Variants in HNRNPR observed in about 807,000 individuals in gnomAD.
The protein encoded by HNRNPR is heterogeneous nuclear ribonucleoprotein R.
A neutral mutation model predicts 70.3 loss-of-function variants in HNRNPR; 4 were observed. The observed-to-expected ratio is 0.06, with a 90% CI of 0.03 to 0.13. HNRNPR has a LOEUF of 0.13. HNRNPR is among the 10% of genes least tolerant of loss of function. The pLI is 1.00. For synonymous variants in HNRNPR, 241 were observed against 267.6 expected, an observed-to-expected ratio of 0.90 and a Z score of 0.97; for missense variants, 423 against 788.5, an observed-to-expected ratio of 0.54 and a Z score of 5.55.
At chr1:23,338,650 G>T (rs780621506) in intron 2 of HNRNPR, 42 bp from the exon 3 acceptor site, 1 of 945,806 alleles carries the variant, frequency 1.1e-6, no homozygotes, top group South Asian at 1.5e-5. Context: ...TGCAACAAAA[G>T]GGGTAATCTA....
At position 23,308,048 on chromosome 1, in the gene HNRNPR, G is replaced by A. The variant is rs1645230183; in HGVS notation, c.*2406C>T. The A allele has an allele frequency of 6.6e-6, 1 of 151,994 alleles. No homozygotes were observed. Among genetic ancestry groups the A allele is most frequent in the African/African-American group, 2.4e-5 (1 of 41,430 alleles). The allele number at this position is 151,994 out of a possible 1,614,324, so 9.4% of individuals were successfully genotyped here. A position where few individuals can be genotyped will look rare whatever the true frequency, so the allele number is the denominator to read the frequency against. ...TATTTTCTCTGAATGCTGCTACAGT[G>A]TTAATTTACAAGACATGAAAGAAGA... On this transcript the variant is annotated 3_prime_UTR_variant, in exon 11 of 11. Coordinates refer to ENST00000302271, the MANE Select transcript of HNRNPR (RefSeq NM_005826.5).
chr1:23,312,087 ATTTT>A (rs761302111), intron 9 of HNRNPR, among the ~76,000 whole-genome samples: 1 of 152,066 alleles, frequency 6.6e-6, no homozygotes, highest in African/African-American at 2.4e-5. Context: ...ATGATATTTT[ATTTT>A]TTGTTTCCCT....
rs1553154512 is a variant in HNRNPR, at chr1:23,315,302, A to AAC, written c.1018-1601_1018-1600insGT. On this transcript the variant is annotated intron_variant, in intron 8 of 10. Coordinates refer to ENST00000302271, the MANE Select transcript of HNRNPR (RefSeq NM_005826.5). ...CTCAAAAAAAAAAAAAAAAAAAAAA[A>AAC]AAACAAAAACCCAAAAAATGAAGAG... 4.1e-3 allele frequency among the ~76,000 whole-genome samples: 520 copies of AAC among 127,158 alleles called. 37 individuals carry two copies. The highest frequency in any genetic ancestry group is 0.016 in the African/African-American group (474 of 29,530). 83.4% of individuals were successfully genotyped at this position (127,158 alleles called of 152,430 possible). A position where few individuals can be genotyped will look rare whatever the true frequency, so the allele number is the denominator to read the frequency against.
intron 8 of HNRNPR, among the ~76,000 whole-genome samples, chr1:23,315,481 C>CA (rs766514989): frequency 4.3e-4 from 66 of 151,838 alleles, no homozygotes; most frequent in Admixed American, 5.2e-4. Context: ...GGTGAATAAA[C>CA]AAAAGGTAGA....
chr1:23,338,127 C>A (rs1646572183), intron 3 of HNRNPR: 2 of 354,054 alleles, frequency 5.6e-6, no homozygotes, highest in East Asian at 4.8e-5. Context: ...ACTGTCTTTG[C>A]CAGATGTCGG....
intron 2 of HNRNPR, among the ~76,000 whole-genome samples, chr1:23,339,589 C>A (rs1050537917): frequency 6.6e-6 from 1 of 152,226 alleles, no homozygotes; most frequent in Non-Finnish European, 1.5e-5. Context: ...TTCATATGAA[C>A]ATGAAAAGTG....
intron 5 of HNRNPR, among the ~76,000 whole-genome samples, chr1:23,328,331 C>G (rs897237095): frequency 1.3e-5 from 2 of 152,168 alleles, no homozygotes; most frequent in African/African-American, 4.8e-5. Context: ...GAGAAATAGG[C>G]TGACTGGTCA....
chr1:23,324,567 CTAAA>C (rs544734128), intron 5 of HNRNPR, among the ~76,000 whole-genome samples: 5 of 151,638 alleles, frequency 3.3e-5, no homozygotes, highest in East Asian at 1.9e-4. Context: ...GACTCCATCT[CTAAA>C]TAAATAAATA....
intron 4 of HNRNPR, among the ~76,000 whole-genome samples, chr1:23,335,929 A>G (rs1414766907): frequency 6.8e-6 from 1 of 147,152 alleles, no homozygotes; most frequent in Non-Finnish European, 1.5e-5. Context: ...CATCCCGGCT[A>G]AAATGGTGAA....
chr1:23,328,903 G>A (rs1646107374), intron 5 of HNRNPR, among the ~76,000 whole-genome samples: 2 of 152,278 alleles, frequency 1.3e-5, no homozygotes, highest in Middle Eastern at 3.4e-3. Context: ...AGGATTGCTT[G>A]AGCCCAGGAG....
intron 5 of HNRNPR, among the ~76,000 whole-genome samples, chr1:23,328,965 T>A (rs890038241): frequency 6.6e-6 from 1 of 152,054 alleles, no homozygotes; most frequent in African/African-American, 2.4e-5. Context: ...TAAAAAAATT[T>A]AAAAAATTGG....
chr1:23,310,168 GT>G lies in HNRNPR; in HGVS notation c.*285del, dbSNP rs1645275918. 7.6e-6 allele frequency: 2 copies of G among 264,556 alleles called. No individual in the cohort carries two copies. The highest frequency in any genetic ancestry group is 2.0e-4 in the South Asian group (2 of 10,198). 16.4% of individuals were successfully genotyped at this position (264,556 alleles called of 1,614,324 possible). A position where few individuals can be genotyped will look rare whatever the true frequency, so the allele number is the denominator to read the frequency against. On this transcript the variant is annotated 3_prime_UTR_variant, in exon 11 of 11. Coordinates refer to ENST00000302271, the MANE Select transcript of HNRNPR (RefSeq NM_005826.5). The surrounding 1 kb of genome is among the most constrained non-coding windows in gnomAD (Gnocchi z 6.0). The stretch of plus-strand genomic sequence containing the variant: ...GGTTCTGCAAAATCATGATTTAACA[GT>G]GTGCCCAGCTTGTTTTGAAGCTAAA...
Position 23,310,832 on chromosome 1 carries a change from C to CCCTCCCCTTCCT in HNRNPR, c.1512_1523dup (p.Gly505_Gly508dup). The CCCTCCCCTTCCT allele has an allele frequency of 6.2e-7, 1 of 1,614,054 alleles. No individual in the cohort carries two copies. The highest frequency in any genetic ancestry group is 1.6e-4 in the Middle Eastern group (1 of 6,062). On this transcript the variant is annotated inframe_insertion, in exon 11 of 11. Coordinates refer to ENST00000302271, the MANE Select transcript of HNRNPR (RefSeq NM_005826.5). The surrounding 1 kb of genome is among the most constrained non-coding windows in gnomAD (Gnocchi z 6.0). Reference sequence around the variant, plus strand: ...CCCTTGGTGGTGGTGGAGCACCTCGCCCTCCCCTTCCTCCTCCTCTTCCTC... The same window carrying CCCTCCCCTTCCT: ...CCCTTGGTGGTGGTGGAGCACCTCGCCCTCCCCTTCCTCCTCCCCTTCCTCCTCCTCTTCCTC...
rs774764178 is a variant in HNRNPR at position 23,333,563 on chromosome 1, T to G, written c.453A>C (p.Pro151=). ...GCACGCCAGAGTACACACTGTCTGGTGGAGGACCACCATACTTCCTCTGTC... is the reference window on the plus strand; with the variant it reads ...GCACGCCAGAGTACACACTGTCTGGGGGAGGACCACCATACTTCCTCTGTC... The part of the protein sequence containing the change: ...TTGQRKYGGP[P]PDSVYSGVQP... Residue 151 remains proline, a synonymous_variant, in exon 5 of 11, where the codon CCA becomes CCC. Coordinates refer to ENST00000302271, the MANE Select transcript of HNRNPR (RefSeq NM_005826.5). The G allele has an allele frequency of 6.2e-7, 1 of 1,613,924 alleles. No homozygotes were observed. Among genetic ancestry groups the G allele is most frequent in the East Asian group, 2.2e-5 (1 of 44,878 alleles).
Position 23,306,724 on chromosome 1 carries a change from A to T in HNRNPR, c.*3730T>A, listed in dbSNP as rs1645208076. On this transcript the variant is annotated 3_prime_UTR_variant, in exon 11 of 11. Coordinates refer to ENST00000302271, the MANE Select transcript of HNRNPR (RefSeq NM_005826.5). ...TTAACAATAATTAACTTCAAATTAAATATTATTAAATTGCTGACCAATACA... is the reference window on the plus strand; with the variant it reads ...TTAACAATAATTAACTTCAAATTAATTATTATTAAATTGCTGACCAATACA... 2 of 152,206 alleles carry T rather than the reference A, an allele frequency of 1.3e-5. No homozygotes were observed. The highest frequency in any genetic ancestry group is 2.4e-5 in the African/African-American group (1 of 41,466). The allele number at this position is 152,206 out of a possible 1,614,324, so 9.4% of individuals were successfully genotyped here. A position where few individuals can be genotyped will look rare whatever the true frequency, so the allele number is the denominator to read the frequency against.
Position 23,311,104 on chromosome 1 carries a change from C to T in HNRNPR, c.1290-38G>A, listed in dbSNP as rs781179019. Reference sequence around the variant, plus strand: ...AGAAGGGAGAAAAGAAAAAACAAATCAGTTTGCTTCAAGACTCTGATTTTG... The same window carrying T: ...AGAAGGGAGAAAAGAAAAAACAAATTAGTTTGCTTCAAGACTCTGATTTTG... On this transcript the variant is annotated intron_variant, in intron 10 of 10. Transcript: ENST00000302271. 5 of 1,608,366 alleles carry T rather than the reference C, an allele frequency of 3.1e-6. No homozygotes were observed. The East Asian group carries it at 1.1e-4, about 36-fold the overall frequency.
rs1045180353 is a variant in HNRNPR, at chr1:23,318,179, A to C, written c.1017+304T>G. Among the ~76,000 whole-genome samples the C allele has an allele frequency of 2.6e-5, 4 of 151,542 alleles. No individual in the cohort carries two copies. Among genetic ancestry groups the C allele is most frequent in the African/African-American group, 7.3e-5 (3 of 41,294 alleles). ...TTACTCAGGACTTTTAAAAAAAAAA[A>C]AAACCTCTATCCCTCACAGTGCCTA... On this transcript the variant is annotated intron_variant, in intron 8 of 10. Coordinates refer to ENST00000302271, the MANE Select transcript of HNRNPR (RefSeq NM_005826.5). This position sits in a 1 kb window ranked among gnomAD's most constrained non-coding sequence, Gnocchi z 4.2.
Position 23,334,949 on chromosome 1 carries a change from G to A in HNRNPR, c.385-1318C>T, listed in dbSNP as rs887430872. On this transcript the variant is annotated intron_variant, in intron 4 of 10. Coordinates refer to ENST00000302271, the MANE Select transcript of HNRNPR (RefSeq NM_005826.5). The stretch of plus-strand genomic sequence containing the variant: ...TTTTTTTTTTTTGAGACGGAGTCTC[G>A]CTCTGTCGCTCAGGCTGGAGTGCAG... Among the ~76,000 whole-genome samples, 8 of 151,344 alleles carry A rather than the reference G, an allele frequency of 5.3e-5. 1 individual carries two copies. Among genetic ancestry groups the A allele is most frequent in the African/African-American group, 4.9e-5 (2 of 41,164 alleles).
intron 5 of HNRNPR, among the ~76,000 whole-genome samples, chr1:23,324,424 C>T (rs1045189599): frequency 2.0e-5 from 3 of 151,952 alleles, no homozygotes; most frequent in African/African-American, 7.2e-5. Flanking sequence ...AAAAATTCTC[C>T]GGGCATGGTG....
Sources: allele counts gnomAD v4.1 joint callset (sites outside exome capture counted in the v4.1 genomes callset), GRCh38; gene constraint gnomAD v4.1.1; non-coding constraint Gnocchi (gnomAD v3.1); transcripts MANE v1.5; gene names NCBI Gene and HGNC (gene_info 2026-07-23, HGNC 2026-07-21).